Variants in CCDC88C observed in about 807,000 individuals in gnomAD.
CCDC88C encodes coiled-coil and HOOK domain protein 88C.
In CCDC88C, 131 loss-of-function variants were observed where a neutral mutation model predicts 198.8. The observed-to-expected ratio is 0.66, with a 90% confidence interval of 0.57 to 0.76. The LOEUF is 0.76. CCDC88C is among the 30% of genes least tolerant of loss of function. The pLI is 0.00. For missense variants in CCDC88C, 2,553 were observed against 2,631.6 expected (o/e 0.97, Z 0.65); for synonymous variants, 1,166 against 1,114.7 (o/e 1.05, Z -0.92).
intron 2 of CCDC88C, among the ~76,000 whole-genome samples, chr14:91,416,365 C>T (rs1351880927): frequency 6.6e-6 from 1 of 152,192 alleles, no homozygotes; most frequent in Non-Finnish European, 1.5e-5. Context: ...GGGCCCACCC[C>T]GACACTTCCT....
rs1179848408 is a variant in CCDC88C at position 91,277,705 on chromosome 14, C to G, written c.5058+217G>C. ...GCGGGCCACAAGCTCTGCCAGCTCA[C>G]TTCCCAGACCCAGGGGAGAGCAGCC... On this transcript the variant is annotated intron_variant, in intron 29 of 29. Coordinates refer to ENST00000389857, the MANE Select transcript of CCDC88C (RefSeq NM_001080414.4). 3.9e-5 allele frequency among the ~76,000 whole-genome samples: 6 copies of G among 152,254 alleles called. No homozygotes were observed. The East Asian group carries it at 1.2e-3, about 29-fold the overall frequency.
In CCDC88C at chr14:91,371,289, G is replaced by A. The variant is rs1894787299; in HGVS notation, c.271-11578C>T. 6.6e-6 allele frequency among the ~76,000 whole-genome samples: 1 copy of A among 152,058 alleles called. No individual in the cohort carries two copies. Among genetic ancestry groups the A allele is most frequent in the Admixed American group, 6.5e-5 (1 of 15,276 alleles). On this transcript the variant is annotated intron_variant, in intron 3 of 29. Coordinates refer to ENST00000389857, the MANE Select transcript of CCDC88C (RefSeq NM_001080414.4). This position sits in a 1 kb window ranked among gnomAD's most constrained non-coding sequence, Gnocchi z 4.2. ...GGCAAAGTCAGTATTTTTGCTGATG[G>A]ATGGAAAAGTCAGTAGTTCTGCTGA...
intron 3 of CCDC88C, among the ~76,000 whole-genome samples, chr14:91,364,525 C>G (rs1474883374): frequency 6.6e-6 from 1 of 152,092 alleles, no homozygotes; most frequent in Non-Finnish European, 1.5e-5. Context: ...CTGAAAAGCG[C>G]TTTGTAATCT....
intron 3 of CCDC88C, among the ~76,000 whole-genome samples, chr14:91,370,566 C>T (rs1339032593): frequency 1.3e-5 from 2 of 152,190 alleles, no homozygotes; most frequent in Non-Finnish European, 2.9e-5. Context: ...CCCAGAAACA[C>T]GGGCAGGACA....
chr14:91,307,167 G>C lies in CCDC88C; in HGVS notation c.3066C>G (p.Asn1022Lys). Reference sequence around the variant, plus strand: ...TCTTCCCCGCAGGGTGCTTGAAAGAGTTCTGCAAGTGCTGCCCCTCTCCCT... The same window carrying C: ...TCTTCCCCGCAGGGTGCTTGAAAGACTTCTGCAAGTGCTGCCCCTCTCCCT... ...QNQGEGQHLQ[N>K]SFKHPAGKTA... Residue 1022 changes from asparagine to lysine, a missense_variant, in exon 18 of 30, where the codon AAC (asparagine) becomes AAG (lysine). Asn to Lys is a moderately conservative substitution (Grantham distance 94, BLOSUM62 0). This residue lies in a region of CCDC88C where 1,260 missense variants were observed against 1,412.0 expected (regional missense o/e 0.89). Transcript: ENST00000389857. The C allele has an allele frequency of 6.2e-7, 1 of 1,613,954 alleles. No homozygotes were observed.
intron 10 of CCDC88C, among the ~76,000 whole-genome samples, chr14:91,337,319 T>C (rs572624980): frequency 5.9e-5 from 9 of 152,320 alleles, no homozygotes; most frequent in South Asian, 2.1e-4. Flanking sequence ...TGAAACCTCA[T>C]AGAGCCATAA....
chr14:91,283,246 C>G, intron 26 of CCDC88C, 83 bp downstream of exon 26: 1 of 1,390,406 alleles, frequency 7.2e-7, no homozygotes, highest in Non-Finnish European at 9.9e-7. Context: ...GGGAGAGCAA[C>G]CTCTCTGATT....
In CCDC88C at chr14:91,279,249, A is replaced by G. The variant is rs572045603; in HGVS notation, c.4757T>C (p.Leu1586Pro). 2.5e-5 allele frequency: 40 copies of G among 1,598,330 alleles called. 1 individual carries two copies. In the South Asian group the frequency reaches 4.2e-4, roughly 17 times the overall value. Residue 1586 changes from leucine (L) to proline (P), a missense_variant, in exon 28 of 30, where the codon CTT becomes CCT. By Grantham distance (98) the Leu-to-Pro change is moderately conservative. Around this residue, in one of 2 missense-constraint regions of CCDC88C, gnomAD observed 1,293 missense variants for 1,219.6 expected, o/e 1.06. Transcript: ENST00000389857. ...AGCACAAGACTTACCTTTTAGGTTA[A>G]GAGGTGAGCTGTTGCTGGATGTGTT... ...SRNTSSNSSP[L>P]NLKGSSEQLH...
At chr14:91,318,526 C>T (rs78595601) in intron 13 of CCDC88C, among the ~76,000 whole-genome samples, 2,794 of 152,268 alleles carry the variant, frequency 0.018, 96 homozygotes, top group African/African-American at 0.063. Flanking sequence ...GCAGCTCAAA[C>T]GCTGCAAGGC....
At chr14:91,285,702 G>C (rs963940738) in intron 25 of CCDC88C, 25 of 1,288,878 alleles carry the variant, frequency 1.9e-5, no homozygotes, top group Non-Finnish European at 2.4e-5. Context: ...AAAGAGAGAG[G>C]CTCGTTAGGA....
intron 10 of CCDC88C, among the ~76,000 whole-genome samples, chr14:91,337,507 A>T (rs1893099045): frequency 6.6e-6 from 1 of 152,036 alleles, no homozygotes; most frequent in African/African-American, 2.4e-5. Flanking sequence ...GCCTGGCTAA[A>T]TTTTTTTATT....
At chr14:91,392,884 C>T (rs920754470) in intron 3 of CCDC88C, among the ~76,000 whole-genome samples, 4 of 151,994 alleles carry the variant, frequency 2.6e-5, no homozygotes, top group African/African-American at 9.7e-5. Context: ...GGGTGGGACA[C>T]AGAGAAAACA....
At chr14:91,412,657 G>A (rs770462725) in intron 2 of CCDC88C, among the ~76,000 whole-genome samples, 12 of 152,078 alleles carry the variant, frequency 7.9e-5, no homozygotes, top group East Asian at 5.8e-4. Flanking sequence ...GGATGGTCTC[G>A]ATCTCCTGAC....
intron 12 of CCDC88C, among the ~76,000 whole-genome samples, chr14:91,321,589 C>G (rs189832027): frequency 1.3e-5 from 2 of 152,324 alleles, no homozygotes; most frequent in Admixed American, 6.5e-5. Context: ...TTCTGGGAAC[C>G]ATCTGGCTAT....
intron 22 of CCDC88C, 84 bp from the exon 23 acceptor site, chr14:91,294,402 C>G (rs1023405051): frequency 1.4e-6 from 2 of 1,479,700 alleles, no homozygotes. Flanking sequence ...AGGAAGAAGG[C>G]CACTGCACAA....
At position 91,363,280 on chromosome 14, in the gene CCDC88C, C is replaced by CTTTTTTT. The variant is rs1006691437; in HGVS notation, c.271-3576_271-3570dup. 1.0e-3 allele frequency among the ~76,000 whole-genome samples: 146 copies of CTTTTTTT among 145,934 alleles called. 2 individuals carry two copies. Among genetic ancestry groups the CTTTTTTT allele is most frequent in the Admixed American group, 3.2e-3 (47 of 14,700 alleles). On this transcript the variant is annotated intron_variant, in intron 3 of 29. Coordinates refer to ENST00000389857, the MANE Select transcript of CCDC88C (RefSeq NM_001080414.4). ...ATTGACATAAAAATGTATTATTTTA[C>CTTTTTTT]TTTTTTTTTTTGGAGAGAGGGGGTT...
chr14:91,283,266 C>G, intron 26 of CCDC88C, 63 bp downstream of exon 26: 1 of 1,522,174 alleles, frequency 6.6e-7, no homozygotes, highest in Non-Finnish European at 9.0e-7. Context: ...TTCCGAGAGC[C>G]TGGGGTCTTC....
At chr14:91,374,196 T>C (rs1894969477) in intron 3 of CCDC88C, among the ~76,000 whole-genome samples, 1 of 152,160 alleles carries the variant, frequency 6.6e-6, no homozygotes, top group Admixed American at 6.5e-5. Context: ...CCATCTACAG[T>C]GTAAAGAACA....
chr14:91,360,274 A>G (rs1894249992), intron 3 of CCDC88C, among the ~76,000 whole-genome samples: 1 of 151,404 alleles, frequency 6.6e-6, no homozygotes, highest in Non-Finnish European at 1.5e-5. Flanking sequence ...ACACACACAC[A>G]CACACACACA....
Sources: gnomAD v4.1 joint callset for allele counts (sites outside exome capture counted in the v4.1 genomes callset) on GRCh38, gnomAD v4.1.1 for gene constraint, gnomAD v4.1.1 regional missense constraint, Gnocchi (gnomAD v3.1) non-coding constraint, MANE v1.5 for transcripts, NCBI Gene and HGNC (gene_info 2026-07-23, HGNC 2026-07-21) for gene names.